AREL1: variants seen among roughly 807,000 people sequenced by gnomAD.
The protein encoded by AREL1 is apoptosis-resistant E3 ubiquitin protein ligase 1.
Under a neutral mutation model 99.0 loss-of-function variants are expected in AREL1, and 62 were observed. The observed-to-expected ratio is 0.63, with a 90% CI of 0.51 to 0.77. The LOEUF (loss-of-function observed/expected upper bound fraction) is 0.77, where lower values mean the gene tolerates loss of function less well. Among genes scored for constraint, AREL1 ranks in the 30% least tolerant of loss-of-function variants. AREL1 has a pLI of 0.00. For missense variants in AREL1, 879 were observed against 1,027.6 expected, an observed-to-expected ratio of 0.86 and a Z score of 1.98; for synonymous variants, 380 against 376.5, an observed-to-expected ratio of 1.01 and a Z score of -0.11.
Position 74,683,526 on chromosome 14 carries a change from T to C in AREL1, c.251A>G (p.Tyr84Cys), listed in dbSNP as rs368285382. ...TGCAGGGAAAGGCTGCCCGTTCTTA[T>C]AGAATAACTGCCATGGGGAGAAGAA... ...HSMAFRVHLF[Y>C]KNGQPFPAHR... The change falls in exon 5 of 20, where the codon TAT (tyrosine) becomes TGT (cysteine). Residue 84 changes from tyrosine (Y) to cysteine (C), a missense_variant. Physicochemically the swap from Tyr to Cys is radical, Grantham distance 194. Coordinates refer to ENST00000356357, the MANE Select transcript of AREL1 (RefSeq NM_001039479.2). The C allele has an allele frequency of 1.5e-5, 24 of 1,613,876 alleles. No individual in the cohort carries two copies. The East Asian group carries it at 2.5e-4, about 16-fold the overall frequency.
intron 1 of AREL1, among the ~76,000 whole-genome samples, chr14:74,708,520 C>T (rs1268002593): frequency 1.3e-5 from 2 of 152,068 alleles, no homozygotes; most frequent in Non-Finnish European, 2.9e-5. Flanking sequence ...TTGAACTTCC[C>T]AAAGCGGACA....
intron 17 of AREL1, among the ~76,000 whole-genome samples, chr14:74,665,913 G>T (rs1272397922): frequency 6.6e-6 from 1 of 152,218 alleles, no homozygotes; most frequent in Non-Finnish European, 1.5e-5. Context: ...TGGAACAACT[G>T]TAAGAGACCA....
In AREL1 at chr14:74,685,212, C is replaced by G. The variant is rs897064157; in HGVS notation, c.16+388G>C. Among the ~76,000 whole-genome samples, 2 of 152,316 alleles carry G rather than the reference C, an allele frequency of 1.3e-5. 1 individual carries two copies. Among genetic ancestry groups the G allele is most frequent in the Non-Finnish European group, 2.9e-5 (2 of 68,028 alleles). On this transcript the variant is annotated intron_variant, in intron 3 of 19. Coordinates refer to ENST00000356357, the MANE Select transcript of AREL1 (RefSeq NM_001039479.2). ...GCATTATTTGGGAGCCCTCCCCTCC[C>G]TTGTGTACTTGGCAAAAGTCTTCTC...
chr14:74,711,610 T>C (rs2090291632), intron 1 of AREL1, among the ~76,000 whole-genome samples: 2 of 152,134 alleles, frequency 1.3e-5, no homozygotes, highest in Admixed American at 1.3e-4. Flanking sequence ...CATCCTCAAG[T>C]TGGAAGACAC....
At chr14:74,712,902 G>C (rs544514304) in intron 1 of AREL1, 31 bp downstream of exon 1, 1 of 622,886 alleles carries the variant, frequency 1.6e-6, no homozygotes, top group Non-Finnish European at 3.0e-6. Context: ...AGGTCTTCTG[G>C]GCTCTGCCTA....
intron 1 of AREL1, among the ~76,000 whole-genome samples, chr14:74,704,550 T>C (rs2090141471): frequency 6.6e-6 from 1 of 152,180 alleles, no homozygotes; most frequent in Admixed American, 6.5e-5. Flanking sequence ...GGGATGACTC[T>C]GAACAGAATG....
intron 2 of AREL1, among the ~76,000 whole-genome samples, chr14:74,686,690 A>G (rs1206279238): frequency 1.3e-5 from 2 of 152,124 alleles, no homozygotes; most frequent in Non-Finnish European, 2.9e-5. Context: ...TTTACATCTG[A>G]TTGTGCTTGC....
In AREL1 at chr14:74,680,488, A is replaced by C. The variant is rs182226375; in HGVS notation, c.481+2808T>G. On this transcript the variant is annotated intron_variant, in intron 5 of 19. Transcript: ENST00000356357. ...TAAAATGCTACAGCCACTCTGGAAAAGAATTTGGCAATTTAAAAGAAACTA... is the reference window on the plus strand; with the variant it reads ...TAAAATGCTACAGCCACTCTGGAAACGAATTTGGCAATTTAAAAGAAACTA... 7.8e-4 allele frequency among the ~76,000 whole-genome samples: 119 copies of C among 152,368 alleles called. No homozygotes were observed. In the East Asian group the frequency reaches 0.018, roughly 24 times the overall value.
At position 74,693,951 on chromosome 14, in the gene AREL1, C is replaced by T. The variant is rs541449643; in HGVS notation, c.-333-1623G>A. Among the ~76,000 whole-genome samples, 17 of 152,248 alleles carry T rather than the reference C, an allele frequency of 1.1e-4. No individual in the cohort carries two copies. The East Asian group carries it at 1.3e-3, about 12-fold the overall frequency. ...CAGCACTTTGGGAGGCCAAGGCAGG[C>T]GGATCACTTGAGCCCAGGAGTTCAA... On this transcript the variant is annotated intron_variant, in intron 1 of 19. Transcript: ENST00000356357.
chr14:74,685,922 T>C (rs1490055866), intron 2 of AREL1, among the ~76,000 whole-genome samples: 1 of 152,212 alleles, frequency 6.6e-6, no homozygotes, highest in African/African-American at 2.4e-5. Context: ...TATTGCTAAT[T>C]TCAAAATGCA....
At chr14:74,712,077 AGAAAGAAAG>A (rs1566710316) in intron 1 of AREL1, 2 of 77,948 alleles carry the variant, frequency 2.6e-5, no homozygotes, top group Admixed American at 1.7e-4. Context: ...AGAAAAAAAA[AGAAAGAAAG>A]AAAGAAAGAA....
intron 1 of AREL1, among the ~76,000 whole-genome samples, chr14:74,695,438 T>A (rs1041867142): frequency 2.0e-5 from 3 of 152,138 alleles, no homozygotes; most frequent in African/African-American, 7.2e-5. Flanking sequence ...TGATCAGCTA[T>A]TTGATTATTA....
chr14:74,708,594 T>C (rs999451877), intron 1 of AREL1, among the ~76,000 whole-genome samples: 16 of 152,234 alleles, frequency 1.1e-4, no homozygotes, highest in Admixed American at 9.2e-4. Flanking sequence ...TTACAGAAAA[T>C]ATGTTGTATA....
chr14:74,704,303 C>T (rs528209343), intron 1 of AREL1, among the ~76,000 whole-genome samples: 6 of 152,248 alleles, frequency 3.9e-5, no homozygotes, highest in East Asian at 1.9e-4. Context: ...GCCCAGGACA[C>T]GGCCTCATGA....
At chr14:74,666,604 C>T (rs2089214413) in intron 17 of AREL1, among the ~76,000 whole-genome samples, 1 of 151,876 alleles carries the variant, frequency 6.6e-6, no homozygotes, top group Admixed American at 6.6e-5. Context: ...ACTCTCTCTG[C>T]AGTGCCTCAG....
chr14:74,683,531 T>A lies in AREL1; in HGVS notation c.246A>T (p.Leu82Phe). Residue 82 changes from leucine (L) to phenylalanine (F), a missense_variant and splice_region_variant, in exon 5 of 20, where the codon TTA (leucine) becomes TTT (phenylalanine). Transcript: ENST00000356357. ...VGHSMAFRVH[L>F]FYKNGQPFPA... is the part of the protein sequence containing the mutation. ...GGAAAGGCTGCCCGTTCTTATAGAATAACTGCCATGGGGAGAAGAAGGACA... is the reference window on the plus strand; with the variant it reads ...GGAAAGGCTGCCCGTTCTTATAGAAAAACTGCCATGGGGAGAAGAAGGACA... 6.2e-7 allele frequency: 1 copy of A among 1,613,756 alleles called. No individual in the cohort carries two copies.
intron 5 of AREL1, 113 bp from the exon 6 acceptor site, chr14:74,676,865 C>T (rs1465907196): frequency 2.9e-5 from 24 of 831,020 alleles, no homozygotes; most frequent in South Asian, 1.2e-4. Flanking sequence ...GGCGCAATCT[C>T]GGCTCACTGC....
At chr14:74,677,091 G>A (rs1043782027) in intron 5 of AREL1, among the ~76,000 whole-genome samples, 105 of 151,194 alleles carry the variant, frequency 6.9e-4, no homozygotes, top group Admixed American at 2.6e-3. Context: ...GAGCCACCAC[G>A]CCCGGCTGGA....
chr14:74,665,621 T>C (rs1007866088), intron 17 of AREL1, among the ~76,000 whole-genome samples: 4 of 152,200 alleles, frequency 2.6e-5, no homozygotes, highest in Admixed American at 1.3e-4. Context: ...GGATTGAACT[T>C]TTACTACCTT....
Sources: gnomAD v4.1 joint callset for allele counts (sites outside exome capture counted in the v4.1 genomes callset) on GRCh38, gnomAD v4.1.1 for gene constraint, MANE v1.5 for transcripts, NCBI Gene and HGNC (gene_info 2026-07-23, HGNC 2026-07-21) for gene names.